PPP4R4: variants seen among roughly 807,000 people sequenced by gnomAD.
The protein encoded by PPP4R4 is serine/threonine-protein phosphatase 4 regulatory subunit 4.
In PPP4R4, 70 loss-of-function variants were observed where a neutral mutation model predicts 121.8. That is an observed-to-expected ratio of 0.57 (90% CI 0.47 to 0.70). The LOEUF (loss-of-function observed/expected upper bound fraction) is 0.70, where lower values mean the gene tolerates loss of function less well. Ranked by LOEUF, PPP4R4 falls within the 30% of genes least tolerant of loss-of-function variation. The probability of loss-of-function intolerance (pLI) is 0.00; values close to 1 mark genes in which losing one functional copy is unlikely to be tolerated. For synonymous variants in PPP4R4, 348 were observed against 355.7 expected (o/e 0.98, Z 0.24); for missense variants, 875 against 1,033.6 (o/e 0.85, Z 2.10).
At chr14:94,260,085 G>A (rs1893695013) in intron 19 of PPP4R4, among the ~76,000 whole-genome samples, 1 of 152,036 alleles carries the variant, frequency 6.6e-6, no homozygotes, top group African/African-American at 2.4e-5. Flanking sequence ...GGAATAGAAT[G>A]GCTGATTTGT....
chr14:94,270,101 T>C (rs1894249793), intron 23 of PPP4R4, among the ~76,000 whole-genome samples: 1 of 152,144 alleles, frequency 6.6e-6, no homozygotes, highest in Non-Finnish European at 1.5e-5. Context: ...TCAAAACTGT[T>C]CTGAAAAAGA....
intron 3 of PPP4R4, among the ~76,000 whole-genome samples, chr14:94,214,250 G>T (rs11625726): frequency 0.071 from 10,834 of 152,224 alleles, 612 homozygotes; most frequent in Admixed American, 0.17. Context: ...AATTTGACAC[G>T]TACATGTAGA....
chr14:94,181,301 G>A (rs537353173), intron 2 of PPP4R4, among the ~76,000 whole-genome samples: 11 of 152,174 alleles, frequency 7.2e-5, no homozygotes, highest in African/African-American at 2.6e-4. Flanking sequence ...GCATGCATGT[G>A]TATATGTGTA....
At chr14:94,200,555 A>G (rs983690475) in intron 2 of PPP4R4, among the ~76,000 whole-genome samples, 2 of 152,286 alleles carry the variant, frequency 1.3e-5, no homozygotes, top group African/African-American at 4.8e-5. Flanking sequence ...TTCCTGGTTT[A>G]ATCTAGGAGG....
chr14:94,235,695 A>G (rs2139549890), intron 7 of PPP4R4, among the ~76,000 whole-genome samples: 1 of 152,020 alleles, frequency 6.6e-6, no homozygotes, highest in East Asian at 1.9e-4. Flanking sequence ...CACCGCGCCC[A>G]GCTGTTGCTC....
chr14:94,217,871 G>A (rs761370955), intron 3 of PPP4R4, among the ~76,000 whole-genome samples: 3 of 152,136 alleles, frequency 2.0e-5, no homozygotes, highest in African/African-American at 4.8e-5. Context: ...GCACATCCCC[G>A]TAATCCCAGC....
In PPP4R4 at chr14:94,275,385, C is replaced by A; in HGVS notation, c.2461C>A (p.Arg821=). Reference sequence around the variant, plus strand: ...TGTATTGCTTTCAGATGATTCATTCCGGACTCGTAATGCCAGTAGCGTTCC... The same window carrying A: ...TGTATTGCTTTCAGATGATTCATTCAGGACTCGTAATGCCAGTAGCGTTCC... ...SVLSLADDSF[R]TRNASSVPSS... is the part of the protein sequence containing the mutation. Residue 821 remains arginine (R), a synonymous_variant, in exon 24 of 25, where the codon CGG becomes AGG. Coordinates refer to ENST00000304338, the MANE Select transcript of PPP4R4 (RefSeq NM_058237.2). 6.2e-7 allele frequency: 1 copy of A among 1,613,792 alleles called. No individual in the cohort carries two copies. Among genetic ancestry groups the A allele is most frequent in the Non-Finnish European group, 8.5e-7 (1 of 1,179,804 alleles).
chr14:94,177,097 G>A (rs113338517), intron 2 of PPP4R4, among the ~76,000 whole-genome samples: 3,266 of 151,854 alleles, frequency 0.022, 60 homozygotes, highest in Non-Finnish European at 0.033. Context: ...CCCTCTCCAG[G>A]TCTTCAATTT....
chr14:94,231,174 A>T, intron 4 of PPP4R4, 68 bp from the exon 5 acceptor site: 2 of 1,220,312 alleles, frequency 1.6e-6, no homozygotes, highest in Non-Finnish European at 2.4e-6. Flanking sequence ...TGTAACTATT[A>T]ATGGCTGAGT....
intron 2 of PPP4R4, among the ~76,000 whole-genome samples, chr14:94,177,314 A>G (rs1888732491): frequency 6.6e-6 from 1 of 152,108 alleles, no homozygotes; most frequent in Admixed American, 6.5e-5. Flanking sequence ...ATTTCTATTT[A>G]CTTCAAAGAA....
chr14:94,256,353 G>A, intron 16 of PPP4R4, 107 bp from the exon 17 acceptor site: 3 of 849,582 alleles, frequency 3.5e-6, no homozygotes, highest in Non-Finnish European at 5.3e-6. Flanking sequence ...AATATATCTT[G>A]CATGAATAAA....
In PPP4R4 at chr14:94,174,448, G is replaced by A. The variant is rs757191753; in HGVS notation, c.-18G>A. ...CCGGGGCCGCTCCGGCCCGGGCGGC[G>A]AGAGTGCCCGGCGGTCCATGCATCC... On this transcript the variant is annotated 5_prime_UTR_variant, in exon 1 of 25. Coordinates refer to ENST00000304338, the MANE Select transcript of PPP4R4 (RefSeq NM_058237.2). 2 of 1,564,384 alleles carry A rather than the reference G, an allele frequency of 1.3e-6. No homozygotes were observed. The highest frequency in any genetic ancestry group is 1.7e-6 in the Non-Finnish European group (2 of 1,157,618).
At chr14:94,231,845 A>G (rs1253069333) in intron 5 of PPP4R4, among the ~76,000 whole-genome samples, 2 of 152,180 alleles carry the variant, frequency 1.3e-5, no homozygotes, top group African/African-American at 4.8e-5. Flanking sequence ...TTGACTAACA[A>G]TATGTGAAGA....
At chr14:94,218,178 A>G (rs1359808455) in intron 3 of PPP4R4, among the ~76,000 whole-genome samples, 3 of 152,220 alleles carry the variant, frequency 2.0e-5, no homozygotes, top group Non-Finnish European at 4.4e-5. Flanking sequence ...TGGCTTTGAG[A>G]CAGCATAAAA....
chr14:94,246,559 T>C lies in PPP4R4; in HGVS notation c.1611+20T>C. 6.3e-7 allele frequency: 1 copy of C among 1,586,912 alleles called. No individual in the cohort carries two copies. The highest frequency in any genetic ancestry group is 8.6e-7 in the Non-Finnish European group (1 of 1,165,194). ...ACAAATGTGAGCTCAGTACCTTTCA[T>C]CTTATTCTTTTGAACTCATGGTTGG... On this transcript the variant is annotated intron_variant, in intron 14 of 24. Coordinates refer to ENST00000304338, the MANE Select transcript of PPP4R4 (RefSeq NM_058237.2).
chr14:94,233,585 A>T (rs1892170604), intron 5 of PPP4R4, 68 bp from the exon 6 acceptor site: 1 of 949,020 alleles, frequency 1.1e-6, no homozygotes, highest in African/African-American at 1.7e-5. Context: ...ACTCTGAAGG[A>T]ATAGCTGACA....
intron 6 of PPP4R4, among the ~76,000 whole-genome samples, chr14:94,234,025 G>A (rs1480993752): frequency 6.6e-6 from 1 of 152,036 alleles, no homozygotes; most frequent in African/African-American, 2.4e-5. Context: ...TAGTTTTGAG[G>A]ATAAAATAGC....
intron 5 of PPP4R4, among the ~76,000 whole-genome samples, chr14:94,232,914 T>C (rs1171007260): frequency 2.0e-5 from 3 of 152,010 alleles, no homozygotes; most frequent in African/African-American, 4.8e-5. Flanking sequence ...AAAAATTAGC[T>C]GGGCGTGGTG....
At chr14:94,196,309 G>GTTTTTTT (rs5810663) in intron 2 of PPP4R4, among the ~76,000 whole-genome samples, 3 of 88,354 alleles carry the variant, frequency 3.4e-5, no homozygotes, top group African/African-American at 4.7e-5. Context: ...TCTTTCAAAG[G>GTTTTTTT]TTTTTTTTTT....
Sources: gnomAD v4.1 joint callset for allele counts (sites outside exome capture counted in the v4.1 genomes callset) on GRCh38, gnomAD v4.1.1 for gene constraint, MANE v1.5 for transcripts, NCBI Gene and HGNC (gene_info 2026-07-23, HGNC 2026-07-21) for gene names.